XIRP2: variants seen among roughly 807,000 people sequenced by gnomAD.
XIRP2 encodes the protein xin actin-binding repeat-containing protein 2.
In XIRP2, 236 loss-of-function variants were observed where a neutral mutation model predicts 277.0. The ratio of observed to expected loss-of-function variants is 0.85; its 90% CI spans 0.77 to 0.95. XIRP2 has a LOEUF of 0.95. Among genes scored for constraint, XIRP2 ranks in the 40% least tolerant of loss-of-function variants. The probability of loss-of-function intolerance (pLI) is 0.00; values close to 1 mark genes in which losing one functional copy is unlikely to be tolerated. For synonymous variants in XIRP2, 1,490 were observed against 1,416.5 expected, an observed-to-expected ratio of 1.05 and a Z score of -1.17; for missense variants, 4,640 against 4,157.5, an observed-to-expected ratio of 1.12 and a Z score of -3.19.
chr2:167,032,663 G>C (rs191783093), intron 2 of XIRP2, among the ~76,000 whole-genome samples: 5 of 152,174 alleles, frequency 3.3e-5, no homozygotes, highest in Admixed American at 2.6e-4. Flanking sequence ...CTCAAATTAA[G>C]ACATTTATGC....
At chr2:167,089,624 G>T (rs1690082340) in intron 2 of XIRP2, among the ~76,000 whole-genome samples, 1 of 152,184 alleles carries the variant, frequency 6.6e-6, no homozygotes, top group Non-Finnish European at 1.5e-5. Context: ...GTAAATGTGT[G>T]TGGGGGGGTG....
At chr2:167,078,439 T>C (rs1689631632) in intron 2 of XIRP2, among the ~76,000 whole-genome samples, 1 of 152,190 alleles carries the variant, frequency 6.6e-6, no homozygotes, top group African/African-American at 2.4e-5. Flanking sequence ...ATTTTTCCTT[T>C]TCCTATTTGT....
intron 2 of XIRP2, among the ~76,000 whole-genome samples, chr2:167,001,791 A>T (rs1359290501): frequency 6.6e-6 from 1 of 152,136 alleles, no homozygotes; most frequent in Admixed American, 6.6e-5. Context: ...TCTTCCTGTG[A>T]CTTTATAATT....
At chr2:167,156,217 T>C (rs1313200589) in intron 3 of XIRP2, among the ~76,000 whole-genome samples, 2 of 152,226 alleles carry the variant, frequency 1.3e-5, no homozygotes, top group Non-Finnish European at 2.9e-5. Context: ...AAGCTACCAA[T>C]GACTTTCTTC....
chr2:166,986,168 G>T (rs569164479), intron 2 of XIRP2, among the ~76,000 whole-genome samples: 3 of 152,294 alleles, frequency 2.0e-5, no homozygotes, highest in Admixed American at 2.0e-4. Context: ...TTCTTTTGTG[G>T]CACATTCTGG....
intron 2 of XIRP2, among the ~76,000 whole-genome samples, chr2:167,128,791 T>A (rs1290294115): frequency 2.6e-5 from 4 of 152,176 alleles, no homozygotes; most frequent in African/African-American, 7.2e-5. Context: ...TATCACACTC[T>A]TTTTTGTTAC....
intron 2 of XIRP2, among the ~76,000 whole-genome samples, chr2:167,124,837 A>G (rs78894100): frequency 0.051 from 7,822 of 152,226 alleles, 308 homozygotes; most frequent in African/African-American, 0.11. Context: ...ACAAACGTGT[A>G]AACACTGGTG....
At chr2:167,087,653 T>G (rs1206612530) in intron 2 of XIRP2, among the ~76,000 whole-genome samples, 1 of 152,178 alleles carries the variant, frequency 6.6e-6, no homozygotes, top group Admixed American at 6.5e-5. Context: ...GGTGTGCCGT[T>G]TTTTAAGCCG....
intron 2 of XIRP2, among the ~76,000 whole-genome samples, chr2:167,031,797 TAA>T (rs1190879479): frequency 1.3e-5 from 2 of 151,926 alleles, no homozygotes; most frequent in Admixed American, 1.3e-4. Context: ...CTCAATGAAA[TAA>T]GAGAGGACAC....
chr2:166,973,449 C>A (rs56283538), intron 2 of XIRP2, among the ~76,000 whole-genome samples: 1 of 152,120 alleles, frequency 6.6e-6, no homozygotes, highest in East Asian at 1.9e-4. Context: ...TAACTATTCC[C>A]TTTTCACAGA....
In XIRP2 at chr2:167,245,659, C is replaced by T; in HGVS notation, c.4267C>T (p.Gln1423Ter). Reference sequence around the variant, plus strand: ...AGGTGGCAATGTAAAGACAAGTAGACAATTCTTTGAGTCTGAAAATTTTGA... The same window carrying T: ...AGGTGGCAATGTAAAGACAAGTAGATAATTCTTTGAGTCTGAAAATTTTGA... ...IQGGNVKTSR[Q>*]FFESENFDKN... Residue 1423 changes from glutamine (Q) to a stop codon, truncating the protein, a stop_gained, in exon 9 of 11, where the codon CAA (glutamine) becomes TAA (stop). Transcript: ENST00000409195. LOFTEE classifies it high-confidence loss of function. 2 of 1,613,488 alleles carry T rather than the reference C, an allele frequency of 1.2e-6. No individual in the cohort carries two copies. The highest frequency in any genetic ancestry group is 2.2e-5 in the South Asian group (2 of 91,062).
chr2:167,230,049 C>T (rs1573977076), intron 5 of XIRP2, among the ~76,000 whole-genome samples: 1 of 152,032 alleles, frequency 6.6e-6, no homozygotes, highest in African/African-American at 2.4e-5. Context: ...ATGTACCTAC[C>T]ACTAGATGGA....
At chr2:166,959,353 T>G (rs986358031) in intron 2 of XIRP2, among the ~76,000 whole-genome samples, 1 of 151,782 alleles carries the variant, frequency 6.6e-6, no homozygotes, top group Non-Finnish European at 1.5e-5. Context: ...TTTTGTGCAT[T>G]TGGATTGTGA....
intron 5 of XIRP2, among the ~76,000 whole-genome samples, chr2:167,226,287 A>T (rs1240116999): frequency 6.6e-6 from 1 of 152,100 alleles, no homozygotes; most frequent in Non-Finnish European, 1.5e-5. Flanking sequence ...AACTGTGTCC[A>T]TGGCGCTGCT....
intron 5 of XIRP2, among the ~76,000 whole-genome samples, chr2:167,224,424 T>G (rs58973182): frequency 0.017 from 2,533 of 152,046 alleles, 69 homozygotes; most frequent in African/African-American, 0.057. Flanking sequence ...TTTTGTTTTT[T>G]TTTTAAGAGA....
intron 2 of XIRP2, among the ~76,000 whole-genome samples, chr2:167,095,142 T>C (rs1245521423): frequency 6.6e-6 from 1 of 152,208 alleles, no homozygotes; most frequent in East Asian, 1.9e-4. Flanking sequence ...TAGGAATGCT[T>C]GTGATTTTTG....
chr2:167,024,088 G>C (rs1177918680), intron 2 of XIRP2, among the ~76,000 whole-genome samples: 22 of 149,974 alleles, frequency 1.5e-4, no homozygotes, highest in African/African-American at 4.2e-4. Context: ...CTACCCATGA[G>C]CATGGAATGT....
chr2:167,060,610 A>G (rs547016660), intron 2 of XIRP2, among the ~76,000 whole-genome samples: 1 of 152,192 alleles, frequency 6.6e-6, no homozygotes, highest in East Asian at 1.9e-4. Context: ...TTTCCCAACT[A>G]ATTTCCTTGG....
At chr2:167,127,716 A>C (rs1383665861) in intron 2 of XIRP2, among the ~76,000 whole-genome samples, 1 of 152,200 alleles carries the variant, frequency 6.6e-6, no homozygotes, top group African/African-American at 2.4e-5. Flanking sequence ...GGGAAGCTCA[A>C]ACTCAACATG....
Sources: gnomAD v4.1 joint callset for allele counts (sites outside exome capture counted in the v4.1 genomes callset) on GRCh38, gnomAD v4.1.1 for gene constraint, MANE v1.5 for transcripts, NCBI Gene and HGNC (gene_info 2026-07-23, HGNC 2026-07-21) for gene names.